The following SPTAN1 variants were observed in gnomAD, a reference collection of about 807,000 sequenced individuals.
SPTAN1 encodes spectrin alpha, non-erythrocytic 1, also known as spectrin alpha chain, non-erythrocytic 1.
Under a neutral mutation model 331.3 loss-of-function variants are expected in SPTAN1, and 61 were observed. That is an observed-to-expected ratio of 0.18 (90% confidence interval 0.15 to 0.23). The LOEUF (loss-of-function observed/expected upper bound fraction) is 0.23, where lower values mean the gene tolerates loss of function less well. Ranked by LOEUF, SPTAN1 falls within the 10% of genes least tolerant of loss-of-function variation. The pLI is 1.00. For missense variants in SPTAN1, 2,043 were observed against 3,147.9 expected (o/e 0.65, Z 8.40); for synonymous variants, 1,153 against 1,173.9 (o/e 0.98, Z 0.36).
chr9:128,628,333 G>T, intron 51 of SPTAN1: 1 of 384,002 alleles, frequency 2.6e-6, no homozygotes, highest in Non-Finnish European at 5.0e-6. Context: ...GTGGTCAGTG[G>T]GCATGAAGCA....
chr9:128,616,048 A>G (rs1269497586), intron 41 of SPTAN1, among the ~76,000 whole-genome samples: 3 of 152,188 alleles, frequency 2.0e-5, no homozygotes, highest in East Asian at 1.9e-4. Flanking sequence ...TGCTGGCTAC[A>G]TAGGCCCTGT....
At chr9:128,581,121 G>T in intron 11 of SPTAN1, 62 bp downstream of exon 11, 1 of 1,607,412 alleles carries the variant, frequency 6.2e-7, no homozygotes, top group South Asian at 1.1e-5. Context: ...TTGCCTCCTC[G>T]GGTAGTGTGC....
chr9:128,628,278 G>A (rs567999992), intron 51 of SPTAN1: 11 of 440,592 alleles, frequency 2.5e-5, no homozygotes, highest in African/African-American at 6.0e-5. Flanking sequence ...TCCAGCCACC[G>A]GGCTCTGTTG....
rs1028681878 is a variant in SPTAN1, at chr9:128,583,723, C to G, written c.2012-65C>G. 8.4e-6 allele frequency: 13 copies of G among 1,543,166 alleles called. No individual in the cohort carries two copies. In the Admixed American group the frequency reaches 2.2e-4, roughly 26 times the overall value. On this transcript the variant is annotated intron_variant, in intron 15 of 56. Transcript: ENST00000372739. ...AGTCCTTCACTAAGATACTACTGTT[C>G]ATGGGCAGTGTTGGCAGAAGGGTAA...
chr9:128,617,497 A>T (rs1857317490), intron 41 of SPTAN1, 143 bp from the exon 42 acceptor site: 3 of 1,177,108 alleles, frequency 2.5e-6, no homozygotes, highest in Non-Finnish European at 3.7e-6. Flanking sequence ...TGGGAAGTAG[A>T]GGCTTTTGTT....
At chr9:128,588,703 T>C (rs1232378075) in intron 20 of SPTAN1, 106 bp from the exon 21 acceptor site, 2 of 1,477,362 alleles carry the variant, frequency 1.4e-6, no homozygotes, top group Non-Finnish European at 1.9e-6. Context: ...CATGAGTGTA[T>C]ATTTGGTACA....
In SPTAN1 at chr9:128,605,460, C is replaced by T. The variant is rs1316793738; in HGVS notation, c.4029C>T (p.Arg1343=). 6.2e-7 allele frequency: 1 copy of T among 1,614,044 alleles called. No individual in the cohort carries two copies. Among genetic ancestry groups the T allele is most frequent in the Non-Finnish European group, 8.5e-7 (1 of 1,180,036 alleles). The change falls in exon 31 of 57, where the codon CGC becomes CGT. Residue 1343 remains arginine (R), a synonymous_variant. Coordinates refer to ENST00000372739, the MANE Select transcript of SPTAN1 (RefSeq NM_001130438.3). ...AKLGDSHDLQ[R]FLSDFRDLMS... ...TGGGTGACTCCCACGACCTGCAGCG[C>T]TTCCTTAGCGATTTCCGGTACGGAG... is the stretch of plus-strand genomic sequence containing the variant.
Position 128,605,276 on chromosome 9 carries a change from T to G in SPTAN1, c.3865-20T>G, listed in dbSNP as rs1266028629. The G allele has an allele frequency of 6.2e-7, 1 of 1,614,114 alleles. No homozygotes were observed. On this transcript the variant is annotated intron_variant, in intron 30 of 56. Coordinates refer to ENST00000372739, the MANE Select transcript of SPTAN1 (RefSeq NM_001130438.3). ...GCATACCCCCTTACTGCAAGCTCAT[T>G]CACCACTTTCTTCCCATAGGTAAAC...
chr9:128,586,671 A>G (rs1852681732), intron 19 of SPTAN1, among the ~76,000 whole-genome samples: 1 of 152,168 alleles, frequency 6.6e-6, no homozygotes, highest in Admixed American at 6.5e-5. Context: ...CAACATGCAC[A>G]CATACATACA....
intron 37 of SPTAN1, among the ~76,000 whole-genome samples, chr9:128,610,421 G>C (rs1472129750): frequency 6.6e-6 from 1 of 152,206 alleles, no homozygotes; most frequent in Non-Finnish European, 1.5e-5. Context: ...TTGGCTTTGG[G>C]ATCAGGCGGT....
At chr9:128,589,774 A>G (rs1003727705) in intron 21 of SPTAN1, among the ~76,000 whole-genome samples, 1 of 150,510 alleles carries the variant, frequency 6.6e-6, no homozygotes, top group African/African-American at 2.5e-5. Flanking sequence ...ACGGGGTTTC[A>G]CCGTGTTAGC....
chr9:128,630,904 C>T (rs971723471), intron 52 of SPTAN1, among the ~76,000 whole-genome samples: 1 of 152,260 alleles, frequency 6.6e-6, no homozygotes, highest in Non-Finnish European at 1.5e-5. Flanking sequence ...AGGGTTTCAC[C>T]ATGTTGGCCA....
At chr9:128,572,821 C>T (rs1850890175) in intron 3 of SPTAN1, among the ~76,000 whole-genome samples, 1 of 152,082 alleles carries the variant, frequency 6.6e-6, no homozygotes, top group African/African-American at 2.4e-5. Flanking sequence ...GGTCCCACAT[C>T]CGAGTAGGTG....
chr9:128,628,399 T>C (rs1859129466), intron 51 of SPTAN1: 1 of 355,034 alleles, frequency 2.8e-6, no homozygotes, highest in Non-Finnish European at 5.6e-6. Flanking sequence ...TGAGAAGGGC[T>C]GGGCACTGAC....
intron 24 of SPTAN1, 56 bp downstream of exon 24, chr9:128,594,429 ATT>A (rs10679469): frequency 2.9e-3 from 2,207 of 757,372 alleles, no homozygotes; most frequent in East Asian, 0.01. Flanking sequence ...GAGTCTCTTG[ATT>A]TTTTTTTTTT....
chr9:128,614,677 G>A (rs1340628620), intron 40 of SPTAN1, among the ~76,000 whole-genome samples: 5 of 152,186 alleles, frequency 3.3e-5, no homozygotes, highest in South Asian at 2.1e-4. Context: ...AGGCCGAGGC[G>A]GGAGGTTCAC....
chr9:128,566,472 C>T (rs902990170), intron 1 of SPTAN1, among the ~76,000 whole-genome samples: 1 of 152,162 alleles, frequency 6.6e-6, no homozygotes, highest in Non-Finnish European at 1.5e-5. Context: ...TTCTCCCATT[C>T]ACAGTTTTCA....
At chr9:128,578,700 G>A (rs377113325) in intron 9 of SPTAN1, among the ~76,000 whole-genome samples, 4 of 151,942 alleles carry the variant, frequency 2.6e-5, no homozygotes, top group South Asian at 2.1e-4. Context: ...ATGGTGGCAC[G>A]CGCCTGTAGT....
intron 19 of SPTAN1, among the ~76,000 whole-genome samples, chr9:128,586,822 CT>C (rs35875935): frequency 4.1e-5 from 6 of 146,766 alleles, no homozygotes; most frequent in Non-Finnish European, 9.0e-5. Flanking sequence ...TTTTCCTTTT[CT>C]TTTTTTTTTT....
Sources: gnomAD v4.1 joint callset for allele counts (sites outside exome capture counted in the v4.1 genomes callset) on GRCh38, gnomAD v4.1.1 for gene constraint, MANE v1.5 for transcripts, NCBI Gene and HGNC (gene_info 2026-07-23, HGNC 2026-07-21) for gene names.